Variants in ARL15 observed in about 807,000 individuals in gnomAD.
ARL15 encodes the protein ARF like GTPase 15.
Under a neutral mutation model 25.2 loss-of-function variants are expected in ARL15, and 19 were observed. That is an observed-to-expected ratio of 0.75 (90% CI 0.53 to 1.10). ARL15 has a LOEUF of 1.10. Ranked by LOEUF, ARL15 falls within the 50% of genes least tolerant of loss-of-function variation. ARL15 has a pLI of 0.00. For missense variants in ARL15, 220 were observed against 246.0 expected, an observed-to-expected ratio of 0.89 and a Z score of 0.71; for synonymous variants, 94 against 86.8, an observed-to-expected ratio of 1.08 and a Z score of -0.46.
chr5:54,126,954 C>T (rs1753273826), intron 3 of ARL15, among the ~76,000 whole-genome samples: 1 of 151,986 alleles, frequency 6.6e-6, no homozygotes, highest in African/African-American at 2.4e-5. Context: ...CACCCATTAA[C>T]TCATCATTTA....
At chr5:54,086,777 T>C (rs1751976252) in intron 4 of ARL15, among the ~76,000 whole-genome samples, 1 of 152,136 alleles carries the variant, frequency 6.6e-6, no homozygotes, top group East Asian at 1.9e-4. Flanking sequence ...TACAATGAAT[T>C]TGGCCTTCAT....
chr5:54,146,099 T>C (rs1264142102), intron 3 of ARL15, among the ~76,000 whole-genome samples: 1 of 152,152 alleles, frequency 6.6e-6, no homozygotes, highest in Non-Finnish European at 1.5e-5. Context: ...ATCAGAGTGA[T>C]AGGAACTTTG....
chr5:54,300,207 AG>A (rs1252010809), intron 1 of ARL15, among the ~76,000 whole-genome samples: 39 of 152,174 alleles, frequency 2.6e-4, no homozygotes, highest in African/African-American at 9.4e-4. Flanking sequence ...ACACAGTAAA[AG>A]TGACACTGAA....
chr5:54,071,596 T>C (rs886884197), intron 4 of ARL15, among the ~76,000 whole-genome samples: 13 of 149,506 alleles, frequency 8.7e-5, no homozygotes, highest in Admixed American at 7.4e-4. Flanking sequence ...TGGTACACTA[T>C]TGTTCAGAAG....
intron 4 of ARL15, among the ~76,000 whole-genome samples, chr5:53,998,093 C>T (rs1561182248): frequency 6.6e-6 from 1 of 152,042 alleles, no homozygotes; most frequent in Non-Finnish European, 1.5e-5. Flanking sequence ...GCCACTTAAC[C>T]TCCTCATGCC....
intron 4 of ARL15, among the ~76,000 whole-genome samples, chr5:54,048,624 A>C (rs1365824643): frequency 6.6e-6 from 1 of 151,626 alleles, no homozygotes; most frequent in Non-Finnish European, 1.5e-5. Context: ...GCTGGTCTCG[A>C]ACTCCTGACC....
At chr5:53,964,124 C>T (rs1027089033) in intron 4 of ARL15, among the ~76,000 whole-genome samples, 2 of 152,094 alleles carry the variant, frequency 1.3e-5, no homozygotes, top group African/African-American at 4.8e-5. Flanking sequence ...CCACAGAGTG[C>T]TTCTCAGCAA....
chr5:54,284,394 C>T (rs1458555670), intron 1 of ARL15, among the ~76,000 whole-genome samples: 1 of 152,208 alleles, frequency 6.6e-6, no homozygotes, highest in East Asian at 1.9e-4. Context: ...CATGAGCCAT[C>T]ACACCCAGCC....
chr5:54,043,161 G>A (rs1750398586), intron 4 of ARL15, among the ~76,000 whole-genome samples: 1 of 151,640 alleles, frequency 6.6e-6, no homozygotes, highest in African/African-American at 2.4e-5. Flanking sequence ...AATTCCCAAG[G>A]CTGAATTATT....
At chr5:53,992,791 T>C (rs1183721629) in intron 4 of ARL15, among the ~76,000 whole-genome samples, 1 of 152,186 alleles carries the variant, frequency 6.6e-6, no homozygotes, top group Admixed American at 6.5e-5. Context: ...CCAGCCACAG[T>C]GGCTCACGCC....
At chr5:54,174,241 CAT>C (rs1259871779) in intron 1 of ARL15, among the ~76,000 whole-genome samples, 1 of 152,082 alleles carries the variant, frequency 6.6e-6, no homozygotes, top group Admixed American at 6.6e-5. Flanking sequence ...AAAAAGAAAA[CAT>C]AGAGACTAAC....
At chr5:54,083,168 G>C (rs1351938063) in intron 4 of ARL15, among the ~76,000 whole-genome samples, 2 of 152,174 alleles carry the variant, frequency 1.3e-5, no homozygotes, top group Non-Finnish European at 2.9e-5. Context: ...TCTTTCTACT[G>C]TCTAGAGAAC....
At chr5:54,232,316 A>G (rs1258288263) in intron 1 of ARL15, among the ~76,000 whole-genome samples, 1 of 152,162 alleles carries the variant, frequency 6.6e-6, no homozygotes, top group Non-Finnish European at 1.5e-5. Flanking sequence ...ACCCTAACAT[A>G]ACCCAAGAGC....
chr5:54,237,641 A>G (rs1756844966), intron 1 of ARL15, among the ~76,000 whole-genome samples: 1 of 152,228 alleles, frequency 6.6e-6, no homozygotes, highest in Non-Finnish European at 1.5e-5. Context: ...ATCAAGAATA[A>G]CACAATCTGA....
chr5:54,162,188 A>G (rs1036118347), intron 2 of ARL15, among the ~76,000 whole-genome samples: 1 of 151,944 alleles, frequency 6.6e-6, no homozygotes, highest in Admixed American at 6.6e-5. Context: ...CTATTCGCCA[A>G]CCCTTCTCTA....
At chr5:54,209,574 T>C (rs1022138821) in intron 1 of ARL15, among the ~76,000 whole-genome samples, 7 of 152,136 alleles carry the variant, frequency 4.6e-5, no homozygotes. Flanking sequence ...GAATTGAATA[T>C]CCATTTCTGT....
chr5:54,181,017 G>A (rs1466121931), intron 1 of ARL15, among the ~76,000 whole-genome samples: 1 of 152,044 alleles, frequency 6.6e-6, no homozygotes, highest in Non-Finnish European at 1.5e-5. Flanking sequence ...CAAGAGTCTC[G>A]GTATGTGGAA....
intron 1 of ARL15, among the ~76,000 whole-genome samples, chr5:54,290,329 A>G (rs2112688165): frequency 6.8e-6 from 1 of 147,402 alleles, no homozygotes; most frequent in Middle Eastern, 3.4e-3. Context: ...TTTGAGGTAG[A>G]GTCTCACTCT....
chr5:53,966,202 T>C (rs2112166425), intron 4 of ARL15, among the ~76,000 whole-genome samples: 1 of 152,126 alleles, frequency 6.6e-6, no homozygotes, highest in African/African-American at 2.4e-5. Context: ...GTGGCAATGG[T>C]TTAAACAATC....
Sources: allele counts gnomAD v4.1 joint callset (sites outside exome capture counted in the v4.1 genomes callset), GRCh38; gene constraint gnomAD v4.1.1; transcripts MANE v1.5; gene names NCBI Gene and HGNC (gene_info 2026-07-23, HGNC 2026-07-21).